ULK4: variants seen among roughly 807,000 people sequenced by gnomAD.
ULK4 encodes inactive serine/threonine-protein kinase ULK4.
In ULK4, 133 loss-of-function variants were observed where a neutral mutation model predicts 160.6. The observed-to-expected ratio is 0.83, with a 90% confidence interval of 0.72 to 0.96. The LOEUF (loss-of-function observed/expected upper bound fraction) is 0.96, where lower values mean the gene tolerates loss of function less well. Ranked by LOEUF, ULK4 falls within the 40% of genes least tolerant of loss-of-function variation. ULK4 has a pLI of 0.00. For synonymous variants in ULK4, 534 were observed against 539.8 expected (o/e 0.99, Z 0.15); for missense variants, 1,580 against 1,499.5 (o/e 1.05, Z -0.89).
At chr3:41,437,364 T>C (rs138694701) in intron 34 of ULK4, among the ~76,000 whole-genome samples, 2 of 152,358 alleles carry the variant, frequency 1.3e-5, no homozygotes, top group East Asian at 3.9e-4. Flanking sequence ...AAATTCACTT[T>C]TCACTGAAAT....
chr3:41,710,612 G>A (rs1204098061), intron 25 of ULK4, among the ~76,000 whole-genome samples: 1 of 152,004 alleles, frequency 6.6e-6, no homozygotes, highest in African/African-American at 2.4e-5. Context: ...TGGCCAACAT[G>A]GTGAAACCCC....
chr3:41,570,917 C>T (rs1183576738), intron 31 of ULK4, among the ~76,000 whole-genome samples: 1 of 152,172 alleles, frequency 6.6e-6, no homozygotes, highest in Non-Finnish European at 1.5e-5. Flanking sequence ...AACTAAGGTA[C>T]ACTCTGATTA....
chr3:41,363,170 A>G (rs1246103526), intron 35 of ULK4, among the ~76,000 whole-genome samples: 3 of 152,202 alleles, frequency 2.0e-5, no homozygotes, highest in Admixed American at 2.0e-4. Flanking sequence ...AACAAGGCAT[A>G]AGGAGCTCCC....
At chr3:41,432,272 GATT>G (rs2082932497) in intron 34 of ULK4, among the ~76,000 whole-genome samples, 1 of 152,244 alleles carries the variant, frequency 6.6e-6, no homozygotes, top group East Asian at 1.9e-4. Context: ...AAGCATAAAT[GATT>G]ATGTTACCCA....
intron 17 of ULK4, among the ~76,000 whole-genome samples, chr3:41,862,794 C>G (rs994148501): frequency 5.3e-5 from 8 of 150,474 alleles, no homozygotes; most frequent in Non-Finnish European, 7.4e-5. Context: ...TCCGCTCCCC[C>G]CCCCCTTTCT....
chr3:41,643,688 T>A (rs1467305345), intron 30 of ULK4, among the ~76,000 whole-genome samples: 1 of 152,160 alleles, frequency 6.6e-6, no homozygotes, highest in African/African-American at 2.4e-5. Flanking sequence ...CTTTTTTGGT[T>A]CCATATGAAC....
intron 20 of ULK4, among the ~76,000 whole-genome samples, chr3:41,792,239 C>A (rs2040171800): frequency 6.6e-6 from 1 of 151,960 alleles, no homozygotes; most frequent in African/African-American, 2.4e-5. Flanking sequence ...AAAATGAATT[C>A]ACTTCTAAAA....
intron 33 of ULK4, among the ~76,000 whole-genome samples, chr3:41,461,951 C>T (rs1045363053): frequency 2.6e-5 from 4 of 152,064 alleles, no homozygotes; most frequent in Non-Finnish European, 5.9e-5. Flanking sequence ...ACATAATTAG[C>T]AATTATTTAA....
chr3:41,480,581 T>C (rs559495093), intron 32 of ULK4, among the ~76,000 whole-genome samples: 1 of 152,322 alleles, frequency 6.6e-6, no homozygotes, highest in South Asian at 2.1e-4. Context: ...TATCTTCTCT[T>C]CCTTATGATT....
chr3:41,354,579 T>C (rs547908712), intron 35 of ULK4, among the ~76,000 whole-genome samples: 4 of 152,306 alleles, frequency 2.6e-5, no homozygotes, highest in African/African-American at 9.6e-5. Flanking sequence ...TGGGGATTCT[T>C]TGAGGTAAGG....
intron 32 of ULK4, among the ~76,000 whole-genome samples, chr3:41,481,885 T>C (rs1172553016): frequency 1.3e-5 from 2 of 151,502 alleles, no homozygotes; most frequent in Non-Finnish European, 2.9e-5. Flanking sequence ...AAAGATAATA[T>C]TGATTTTTGC....
At chr3:41,955,598 C>CA (rs1700455446) in intron 1 of ULK4, 1 of 155,726 alleles carries the variant, frequency 6.4e-6, no homozygotes, top group Non-Finnish European at 1.5e-5. Flanking sequence ...TATGGCTTTA[C>CA]TCCCTACGAG....
chr3:41,398,479 G>A (rs2082112872), intron 34 of ULK4, among the ~76,000 whole-genome samples: 1 of 151,368 alleles, frequency 6.6e-6, no homozygotes, highest in Non-Finnish European at 1.5e-5. Context: ...AACCTCCTGG[G>A]CTCAAGTGAT....
intron 35 of ULK4, among the ~76,000 whole-genome samples, chr3:41,369,980 T>A (rs1041974555): frequency 5.3e-5 from 8 of 152,134 alleles, no homozygotes. Flanking sequence ...TACATTTTCA[T>A]CAGAGACTGG....
At chr3:41,856,514 T>C (rs1466158541) in intron 17 of ULK4, among the ~76,000 whole-genome samples, 1 of 103,358 alleles carries the variant, frequency 9.7e-6, no homozygotes, top group Non-Finnish European at 1.6e-5. Context: ...AATAAATAAA[T>C]ATATATATAT....
At chr3:41,365,799 C>A (rs1306502653) in intron 35 of ULK4, among the ~76,000 whole-genome samples, 4 of 151,968 alleles carry the variant, frequency 2.6e-5, no homozygotes, top group Admixed American at 2.6e-4. Context: ...TTAAATTTCA[C>A]CTACCCCAAT....
At chr3:41,825,683 T>A (rs993407113) in intron 18 of ULK4, among the ~76,000 whole-genome samples, 1 of 152,160 alleles carries the variant, frequency 6.6e-6, no homozygotes, top group Non-Finnish European at 1.5e-5. Context: ...CTACGTCTGA[T>A]TGGTGTACCT....
intron 34 of ULK4, among the ~76,000 whole-genome samples, chr3:41,450,491 G>C (rs2083401389): frequency 6.6e-6 from 1 of 152,144 alleles, no homozygotes; most frequent in African/African-American, 2.4e-5. Flanking sequence ...AGGTTGACAG[G>C]TTTCATATTC....
intron 30 of ULK4, among the ~76,000 whole-genome samples, chr3:41,649,563 C>T (rs1223632438): frequency 6.6e-6 from 1 of 152,234 alleles, no homozygotes; most frequent in African/African-American, 2.4e-5. Flanking sequence ...TGGGCACTGT[C>T]GCAACCCAGC....
Sources: allele counts gnomAD v4.1 joint callset (sites outside exome capture counted in the v4.1 genomes callset), GRCh38; gene constraint gnomAD v4.1.1; transcripts MANE v1.5; gene names NCBI Gene and HGNC (gene_info 2026-07-23, HGNC 2026-07-21).